The following SLC35F1 variants were observed in gnomAD, a reference collection of about 807,000 sequenced individuals.
SLC35F1 encodes the protein chromosome 6 open reading frame 169.
SLC35F1 carries 14 observed loss-of-function variants against 48.7 expected under a neutral mutation model. The observed-to-expected ratio is 0.29, with a 90% CI of 0.19 to 0.45. The LOEUF (loss-of-function observed/expected upper bound fraction) is 0.45, where lower values mean the gene tolerates loss of function less well. SLC35F1 is among the 20% of genes least tolerant of loss of function. SLC35F1 has a pLI of 1.00. For synonymous variants in SLC35F1, 190 were observed against 202.2 expected, an observed-to-expected ratio of 0.94 and a Z score of 0.51; for missense variants, 404 against 500.0, an observed-to-expected ratio of 0.81 and a Z score of 1.83.
intron 1 of SLC35F1, among the ~76,000 whole-genome samples, chr6:118,107,052 C>G (rs1291919630): frequency 1.3e-5 from 2 of 152,126 alleles, no homozygotes; most frequent in African/African-American, 4.8e-5. Context: ...TTACTTAATT[C>G]TGGTTTTCCC....
At chr6:118,167,302 T>G (rs992572431) in intron 2 of SLC35F1, among the ~76,000 whole-genome samples, 1 of 152,218 alleles carries the variant, frequency 6.6e-6, no homozygotes, top group Non-Finnish European at 1.5e-5. Flanking sequence ...TTTACAGTCA[T>G]GCCTCACTTA....
chr6:118,002,831 C>T (rs974224494), intron 1 of SLC35F1, among the ~76,000 whole-genome samples: 1 of 150,818 alleles, frequency 6.6e-6, no homozygotes, highest in Admixed American at 6.6e-5. Flanking sequence ...AAAAAGAAAC[C>T]CAACATTATT....
chr6:118,228,590 A>G (rs944905032), intron 2 of SLC35F1, among the ~76,000 whole-genome samples: 4 of 152,054 alleles, frequency 2.6e-5, no homozygotes, highest in Admixed American at 1.3e-4. Context: ...GCTACTTGGG[A>G]GGCTGAGGTG....
intron 6 of SLC35F1, among the ~76,000 whole-genome samples, chr6:118,284,915 G>A (rs1314319053): frequency 1.3e-5 from 2 of 149,642 alleles, no homozygotes; most frequent in Non-Finnish European, 2.9e-5. Context: ...TCTGACTATC[G>A]CCACTAAGAG....
intron 1 of SLC35F1, among the ~76,000 whole-genome samples, chr6:117,931,752 T>A (rs1776104285): frequency 6.6e-6 from 1 of 152,226 alleles, no homozygotes; most frequent in Non-Finnish European, 1.5e-5. Flanking sequence ...CAGAGAGGTC[T>A]TTAGACTTGC....
At chr6:117,985,128 C>A (rs577228109) in intron 1 of SLC35F1, among the ~76,000 whole-genome samples, 2 of 152,292 alleles carry the variant, frequency 1.3e-5, no homozygotes, top group East Asian at 1.9e-4. Flanking sequence ...GCTTTTGATA[C>A]CACATATGTG....
chr6:118,259,189 A>G (rs1775682236), intron 3 of SLC35F1, among the ~76,000 whole-genome samples: 1 of 151,916 alleles, frequency 6.6e-6, no homozygotes, highest in African/African-American at 2.4e-5. Context: ...AACAATTATA[A>G]AAGTTTATGT....
At chr6:118,277,359 C>T (rs1027782117) in intron 5 of SLC35F1, 135 bp from the exon 6 acceptor site, 4 of 796,588 alleles carry the variant, frequency 5.0e-6, no homozygotes, top group Non-Finnish European at 6.2e-6. Flanking sequence ...TCTGCATGAC[C>T]CAAAATTCTT....
At chr6:118,202,213 G>A (rs1028558707) in intron 2 of SLC35F1, among the ~76,000 whole-genome samples, 1 of 152,176 alleles carries the variant, frequency 6.6e-6, no homozygotes, top group African/African-American at 2.4e-5. Flanking sequence ...GGCTGCACCG[G>A]AGCAGGTGCA....
At chr6:117,949,205 T>C (rs139518023) in intron 1 of SLC35F1, among the ~76,000 whole-genome samples, 1 of 152,268 alleles carries the variant, frequency 6.6e-6, no homozygotes, top group Non-Finnish European at 1.5e-5. Flanking sequence ...TCACCAAGCA[T>C]CCAAAACCTG....
intron 1 of SLC35F1, among the ~76,000 whole-genome samples, chr6:117,971,216 G>A (rs1688616069): frequency 1.3e-5 from 2 of 152,308 alleles, no homozygotes; most frequent in South Asian, 4.1e-4. Flanking sequence ...AAATCCAATA[G>A]GGCAGTCATT....
intron 1 of SLC35F1, among the ~76,000 whole-genome samples, chr6:117,982,366 G>T (rs1009751314): frequency 6.6e-6 from 1 of 152,156 alleles, no homozygotes; most frequent in African/African-American, 2.4e-5. Flanking sequence ...TATTTAATGA[G>T]GATTTTGACT....
chr6:118,103,385 C>T (rs2114368814), intron 1 of SLC35F1, among the ~76,000 whole-genome samples: 1 of 152,272 alleles, frequency 6.6e-6, no homozygotes, highest in Admixed American at 6.5e-5. Flanking sequence ...CGTCACTTAG[C>T]ATTATTTGTT....
chr6:118,279,883 A>G (rs17079950), intron 6 of SLC35F1, among the ~76,000 whole-genome samples: 6,076 of 152,268 alleles, frequency 0.04, 420 homozygotes, highest in African/African-American at 0.14. Flanking sequence ...ATCTAACCTC[A>G]TATAATCTCT....
At chr6:118,275,349 A>G in intron 4 of SLC35F1, 110 bp from the exon 5 acceptor site, 1 of 1,169,240 alleles carries the variant, frequency 8.6e-7, no homozygotes, top group Non-Finnish European at 1.2e-6. Context: ...TGACTTCTAT[A>G]AAAATGTCAA....
intron 1 of SLC35F1, among the ~76,000 whole-genome samples, chr6:118,035,682 ATTTTTTTTTTT>A (rs745704672): frequency 3.2e-4 from 28 of 87,330 alleles, no homozygotes; most frequent in African/African-American, 1.3e-3. Context: ...GGCTTTGTTA[ATTTTTTTTTTT>A]TTTTTTTTTT....
chr6:118,292,903 A>G (rs1261095391), intron 7 of SLC35F1, among the ~76,000 whole-genome samples: 2 of 152,186 alleles, frequency 1.3e-5, no homozygotes, highest in Non-Finnish European at 2.9e-5. Flanking sequence ...GACTTTGAGA[A>G]GTGGTTATGT....
intron 7 of SLC35F1, among the ~76,000 whole-genome samples, chr6:118,285,714 A>G (rs1250646610): frequency 2.0e-5 from 3 of 152,252 alleles, no homozygotes; most frequent in Non-Finnish European, 4.4e-5. Context: ...AGGCCTTGGC[A>G]GAGTATGTTC....
At chr6:118,208,991 G>A (rs1056541905) in intron 2 of SLC35F1, among the ~76,000 whole-genome samples, 13 of 152,114 alleles carry the variant, frequency 8.5e-5, no homozygotes, top group Non-Finnish European at 1.6e-4. Context: ...AACATAGAAA[G>A]GTCACTCTCT....
Sources: allele counts gnomAD v4.1 joint callset (sites outside exome capture counted in the v4.1 genomes callset), GRCh38; gene constraint gnomAD v4.1.1; transcripts MANE v1.5; gene names NCBI Gene and HGNC (gene_info 2026-07-23, HGNC 2026-07-21).